The following DLG2 variants were observed in gnomAD, a reference collection of about 807,000 sequenced individuals.
The protein encoded by DLG2 is discs large MAGUK scaffold protein 2.
Under a neutral mutation model 132.5 loss-of-function variants are expected in DLG2, and 45 were observed. That is an observed-to-expected ratio of 0.34 (90% CI 0.27 to 0.44). The LOEUF (loss-of-function observed/expected upper bound fraction) is 0.44, where lower values mean the gene tolerates loss of function less well. DLG2 is among the 20% of genes least tolerant of loss of function. DLG2 has a pLI of 1.00. For missense variants in DLG2, 1,045 were observed against 1,196.9 expected (o/e 0.87, Z 1.87); for synonymous variants, 424 against 419.6 (o/e 1.01, Z -0.13).
chr11:84,602,176 A>T (rs2099577765), intron 6 of DLG2, among the ~76,000 whole-genome samples: 1 of 151,970 alleles, frequency 6.6e-6, no homozygotes, highest in East Asian at 1.9e-4. Flanking sequence ...TTGTGATCAA[A>T]TCTTAATATT....
intron 3 of DLG2, among the ~76,000 whole-genome samples, chr11:85,381,111 C>A (rs2085846611): frequency 1.3e-5 from 2 of 152,176 alleles, no homozygotes; most frequent in South Asian, 4.1e-4. Context: ...GAGATACCAT[C>A]AGGAGTGCTA....
At chr11:85,480,504 C>T (rs1220780289) in intron 3 of DLG2, among the ~76,000 whole-genome samples, 1 of 152,032 alleles carries the variant, frequency 6.6e-6, no homozygotes, top group Non-Finnish European at 1.5e-5. Flanking sequence ...CAAAAAAATG[C>T]AACATCATAA....
At chr11:83,701,259 T>C (rs1465046547) in intron 18 of DLG2, among the ~76,000 whole-genome samples, 1 of 152,198 alleles carries the variant, frequency 6.6e-6, no homozygotes, top group East Asian at 1.9e-4. Flanking sequence ...TACTCAACTT[T>C]GCTGAACTTC....
chr11:83,803,630 A>G (rs978208739), intron 17 of DLG2, among the ~76,000 whole-genome samples: 1 of 152,162 alleles, frequency 6.6e-6, no homozygotes, highest in South Asian at 2.1e-4. Context: ...TCATTTCTAC[A>G]TATCCTATAA....
At chr11:84,009,579 GGT>G (rs2094770487) in intron 11 of DLG2, among the ~76,000 whole-genome samples, 1 of 151,982 alleles carries the variant, frequency 6.6e-6, no homozygotes, top group African/African-American at 2.4e-5. Flanking sequence ...TTCCTACAAG[GGT>G]GAGCAGAGAA....
At chr11:84,249,867 T>G (rs1220308512) in intron 8 of DLG2, among the ~76,000 whole-genome samples, 2 of 152,196 alleles carry the variant, frequency 1.3e-5, no homozygotes, top group African/African-American at 4.8e-5. Flanking sequence ...TTCAGGTGAT[T>G]CAGCATTAAG....
chr11:83,730,817 C>T (rs752132996), intron 18 of DLG2, among the ~76,000 whole-genome samples: 4 of 152,176 alleles, frequency 2.6e-5, no homozygotes, highest in Non-Finnish European at 4.4e-5. Flanking sequence ...TTGAGAATTA[C>T]TCATGCCCTG....
chr11:84,350,429 C>A (rs1183172674), intron 7 of DLG2, among the ~76,000 whole-genome samples: 3 of 152,076 alleles, frequency 2.0e-5, no homozygotes, highest in East Asian at 1.9e-4. Context: ...AGCTTTGAGG[C>A]CTTACTCATC....
chr11:84,516,739 CA>C, intron 7 of DLG2, among the ~76,000 whole-genome samples: 1 of 150,782 alleles, frequency 6.6e-6, no homozygotes, highest in East Asian at 1.9e-4. Flanking sequence ...ATACCAAAGC[CA>C]AACAAGAACA....
At position 85,221,046 on chromosome 11, in the gene DLG2, C is replaced by CT. The variant is rs375581362; in HGVS notation, c.186+64173dup. On this transcript the variant is annotated intron_variant, in intron 4 of 27. Coordinates refer to ENST00000376104, the MANE Select transcript of DLG2 (RefSeq NM_001142699.3). Reference sequence around the variant, plus strand: ...CCTACTCAATAAAAAGTCAAACTTTCTTTTTTTTTTTTTTGAGACAGAGTC... The same window carrying CT: ...CCTACTCAATAAAAAGTCAAACTTTCTTTTTTTTTTTTTTTGAGACAGAGTC... 9.3e-3 allele frequency among the ~76,000 whole-genome samples: 1,327 copies of CT among 142,860 alleles called. 19 individuals are homozygous for CT. The highest frequency in any genetic ancestry group is 0.027 in the African/African-American group (1,059 of 39,306). 93.7% of individuals were successfully genotyped at this position (142,860 alleles called of 152,430 possible).
chr11:83,821,449 G>A (rs1047093766), intron 17 of DLG2, among the ~76,000 whole-genome samples: 1 of 152,148 alleles, frequency 6.6e-6, no homozygotes, highest in African/African-American at 2.4e-5. Flanking sequence ...TTTAAATAAT[G>A]TCAGCGTGAG....
chr11:85,434,305 A>G (rs2091355374), intron 3 of DLG2, among the ~76,000 whole-genome samples: 1 of 151,992 alleles, frequency 6.6e-6, no homozygotes, highest in Non-Finnish European at 1.5e-5. Context: ...TAGCAGAAGA[A>G]GAGAAATAAC....
At position 83,632,692 on chromosome 11, in the gene DLG2, GA is replaced by G. The variant is rs551675000; in HGVS notation, c.1940+518del. On this transcript the variant is annotated intron_variant, in intron 19 of 27. Transcript: ENST00000376104. ...GGAACAAGTAACTTCTATGGTCTGAGAAAAAAACTGGTAGCGAGATGACACA... is the reference window on the plus strand; with the variant it reads ...GGAACAAGTAACTTCTATGGTCTGAGAAAAAACTGGTAGCGAGATGACACA... The G allele has an allele frequency of 8.7e-3, 1,331 of 152,642 alleles. 10 individuals carry two copies. Among genetic ancestry groups the G allele is most frequent in the Non-Finnish European group, 0.014 (966 of 68,308 alleles). The allele number at this position is 152,642 out of a possible 1,614,324, so 9.5% of individuals were successfully genotyped here.
intron 7 of DLG2, among the ~76,000 whole-genome samples, chr11:84,342,896 G>A (rs1262360568): frequency 6.6e-6 from 1 of 152,082 alleles, no homozygotes; most frequent in Non-Finnish European, 1.5e-5. Context: ...CTGTGAATTT[G>A]GAATGTGTGC....
chr11:83,694,572 T>A (rs1444377836), intron 18 of DLG2, among the ~76,000 whole-genome samples: 2 of 152,206 alleles, frequency 1.3e-5, no homozygotes, highest in Non-Finnish European at 2.9e-5. Context: ...AAAAAGAATC[T>A]TAATTTCCTT....
chr11:84,386,894 C>A (rs10501560), intron 7 of DLG2, among the ~76,000 whole-genome samples: 1 of 152,190 alleles, frequency 6.6e-6, no homozygotes, highest in East Asian at 1.9e-4. Context: ...GTTTTTCCTA[C>A]GCTATTTGCC....
chr11:84,677,988 TGAAG>T (rs1178870568), intron 6 of DLG2, among the ~76,000 whole-genome samples: 1 of 152,076 alleles, frequency 6.6e-6, no homozygotes, highest in East Asian at 1.9e-4. Flanking sequence ...CTTCAGAGAC[TGAAG>T]GAAGTCCAAG....
At chr11:84,972,544 A>C (rs1200034897) in intron 6 of DLG2, among the ~76,000 whole-genome samples, 3 of 152,200 alleles carry the variant, frequency 2.0e-5, no homozygotes, top group Non-Finnish European at 4.4e-5. Context: ...TTCAAACAAG[A>C]AACTTTTAAA....
At chr11:84,035,615 T>C (rs919138528) in intron 11 of DLG2, among the ~76,000 whole-genome samples, 4 of 152,156 alleles carry the variant, frequency 2.6e-5, no homozygotes, top group East Asian at 1.9e-4. Flanking sequence ...GCTGGCAAAC[T>C]ATGGTAAGGC....
Sources: allele counts gnomAD v4.1 joint callset (sites outside exome capture counted in the v4.1 genomes callset), GRCh38; gene constraint gnomAD v4.1.1; transcripts MANE v1.5; gene names NCBI Gene and HGNC (gene_info 2026-07-23, HGNC 2026-07-21).